The following ELAVL2 variants were observed in gnomAD, a reference collection of about 807,000 sequenced individuals.
The protein encoded by ELAVL2 is ELAV like RNA binding protein 2, also known as ELAV-like protein 2.
ELAVL2 carries 4 observed loss-of-function variants against 34.6 expected under a neutral mutation model. The ratio of observed to expected loss-of-function variants is 0.12; its 90% CI spans 0.06 to 0.26. The LOEUF (loss-of-function observed/expected upper bound fraction) is 0.26, where lower values mean the gene tolerates loss of function less well. Among genes scored for constraint, ELAVL2 ranks in the 10% least tolerant of loss-of-function variants. The pLI is 1.00. For missense variants in ELAVL2, 432 were observed against 442.8 expected (o/e 0.98, Z 0.22); for synonymous variants, 193 against 154.8 (o/e 1.25, Z -1.83).
At chr9:23,786,420 A>G (rs1355599522) in intron 1 of ELAVL2, among the ~76,000 whole-genome samples, 1 of 152,136 alleles carries the variant, frequency 6.6e-6, no homozygotes, top group Non-Finnish European at 1.5e-5. Context: ...ATTGACCCTG[A>G]GCTACTGAAA....
At chr9:23,747,405 T>C (rs925571269) in intron 2 of ELAVL2, among the ~76,000 whole-genome samples, 4 of 152,158 alleles carry the variant, frequency 2.6e-5, no homozygotes, top group African/African-American at 9.7e-5. Context: ...AAAGCGAAAC[T>C]GTTGATAATG....
At position 23,813,649 on chromosome 9, in the gene ELAVL2, G is replaced by A. The variant is rs192702342; in HGVS notation, c.-16+12157C>T. On this transcript the variant is annotated intron_variant, in intron 1 of 6. Transcript: ENST00000397312. Reference sequence around the variant, plus strand: ...TGGGGACAGTTCTAAAATCCCAGGGGGGGAGGAGAGAAAAGGTAAGTTAAG... The same window carrying A: ...TGGGGACAGTTCTAAAATCCCAGGGAGGGAGGAGAGAAAAGGTAAGTTAAG... 1.3e-4 allele frequency among the ~76,000 whole-genome samples: 20 copies of A among 152,260 alleles called. No homozygotes were observed. The South Asian group carries it at 1.9e-3, about 14-fold the overall frequency.
intron 1 of ELAVL2, among the ~76,000 whole-genome samples, chr9:23,774,785 C>A (rs1263967384): frequency 2.0e-5 from 3 of 151,808 alleles, no homozygotes; most frequent in African/African-American, 7.3e-5. Context: ...CAAAGATGAT[C>A]CAGGCATCTT....
At chr9:23,809,074 C>T (rs1180426801) in intron 1 of ELAVL2, among the ~76,000 whole-genome samples, 1 of 152,164 alleles carries the variant, frequency 6.6e-6, no homozygotes, top group Non-Finnish European at 1.5e-5. Context: ...CTTTCACCCT[C>T]AACAATTAAC....
intron 1 of ELAVL2, among the ~76,000 whole-genome samples, chr9:23,823,561 G>T (rs1429775933): frequency 6.6e-6 from 1 of 152,170 alleles, no homozygotes; most frequent in Admixed American, 6.5e-5. Flanking sequence ...TTCAGGCAAT[G>T]ACAGCAATAA....
chr9:23,733,026 C>G (rs2046964699), intron 2 of ELAVL2, among the ~76,000 whole-genome samples: 1 of 151,972 alleles, frequency 6.6e-6, no homozygotes, highest in Admixed American at 6.6e-5. Context: ...TTTTGTCATA[C>G]TGCTATTCTA....
intron 1 of ELAVL2, among the ~76,000 whole-genome samples, chr9:23,784,067 G>A (rs561764171): frequency 2.6e-5 from 4 of 151,974 alleles, no homozygotes; most frequent in Non-Finnish European, 4.4e-5. Flanking sequence ...GCATGGTGGC[G>A]GGCGCCTGTA....
chr9:23,764,729 T>G (rs1262701457), intron 1 of ELAVL2, among the ~76,000 whole-genome samples: 1 of 152,134 alleles, frequency 6.6e-6, no homozygotes, highest in Non-Finnish European at 1.5e-5. Flanking sequence ...AAACTTTTTT[T>G]GTTTTTTTAA....
chr9:23,741,047 G>C (rs905403025), intron 2 of ELAVL2, among the ~76,000 whole-genome samples: 1 of 152,128 alleles, frequency 6.6e-6, no homozygotes, highest in Non-Finnish European at 1.5e-5. Context: ...GGCACCTAAT[G>C]AACATGAAAT....
chr9:23,806,155 C>T (rs1004303882), intron 1 of ELAVL2, among the ~76,000 whole-genome samples: 1 of 152,020 alleles, frequency 6.6e-6, no homozygotes, highest in African/African-American at 2.4e-5. Flanking sequence ...GAAATGTTTG[C>T]TATAGTTTAA....
upstream of ELAVL2, among the ~76,000 whole-genome samples, chr9:23,829,346 G>C (rs1447351703): frequency 2.0e-5 from 3 of 152,140 alleles, no homozygotes; most frequent in Non-Finnish European, 4.4e-5. Flanking sequence ...TGTCTTTTAG[G>C]ATAAATAACT....
chr9:23,697,948 GC>G (rs112943295), intron 5 of ELAVL2, among the ~76,000 whole-genome samples: 103 of 151,692 alleles, frequency 6.8e-4, no homozygotes, highest in African/African-American at 2.4e-3. Flanking sequence ...CTGCCTTACT[GC>G]CTTATTCAAT....
At chr9:23,791,027 T>C (rs748608015) in intron 1 of ELAVL2, among the ~76,000 whole-genome samples, 22 of 152,210 alleles carry the variant, frequency 1.4e-4, no homozygotes, top group Admixed American at 6.5e-4. Flanking sequence ...TCTAAATATA[T>C]GTTCTGTTTA....
chr9:23,738,950 C>A (rs556684284), intron 2 of ELAVL2, among the ~76,000 whole-genome samples: 1 of 152,240 alleles, frequency 6.6e-6, no homozygotes, highest in East Asian at 1.9e-4. Flanking sequence ...TGCGGCATGA[C>A]CCTGCTTAAG....
At chr9:23,810,031 AT>A (rs35176702) in intron 1 of ELAVL2, among the ~76,000 whole-genome samples, 1 of 151,888 alleles carries the variant, frequency 6.6e-6, no homozygotes, top group Non-Finnish European at 1.5e-5. Flanking sequence ...TTGGGAACAC[AT>A]TTTTTTTCAT....
chr9:23,735,860 A>G (rs765402308), intron 2 of ELAVL2, among the ~76,000 whole-genome samples: 1 of 152,140 alleles, frequency 6.6e-6, no homozygotes, highest in Non-Finnish European at 1.5e-5. Context: ...ACCAAAGACT[A>G]CTGAGAGCAG....
rs75057968 is a variant in ELAVL2 at position 23,737,745 on chromosome 9, A to T, written c.230-6620T>A. Among the ~76,000 whole-genome samples, 162 of 152,320 alleles carry T rather than the reference A, an allele frequency of 1.1e-3. 1 individual carries two copies. Among genetic ancestry groups the T allele is most frequent in the African/African-American group, 3.6e-3 (149 of 41,566 alleles). ...TAATGTTTTATGAAATAAAAGAATA[A>T]AAGCCGTGTGAATCTTTTTCAAATC... On this transcript the variant is annotated intron_variant, in intron 2 of 6. Transcript: ENST00000397312.
intron 2 of ELAVL2, among the ~76,000 whole-genome samples, chr9:23,755,498 A>C (rs1021654128): frequency 5.9e-5 from 9 of 152,216 alleles, no homozygotes; most frequent in Non-Finnish European, 2.9e-5. Flanking sequence ...GATATAATGA[A>C]AAAATAATTA....
chr9:23,691,150 CAA>C lies in ELAVL2; in HGVS notation c.*1405_*1406del, dbSNP rs2033038446. ...CTGTAAATTCAAGTCCTCAGGACAA[CAA>C]AAGTGATTAAGCAAGACCTCAAGTA... On this transcript the variant is annotated 3_prime_UTR_variant, in exon 7 of 7. Coordinates refer to ENST00000397312, the MANE Select transcript of ELAVL2 (RefSeq NM_004432.5). The C allele has an allele frequency of 6.6e-6, 1 of 152,230 alleles. No homozygotes were observed. Among genetic ancestry groups the C allele is most frequent in the Non-Finnish European group, 1.5e-5 (1 of 67,934 alleles). 9.4% of individuals were successfully genotyped at this position (152,230 alleles called of 1,614,324 possible).
Sources: gnomAD v4.1 joint callset for allele counts (sites outside exome capture counted in the v4.1 genomes callset) on GRCh38, gnomAD v4.1.1 for gene constraint, MANE v1.5 for transcripts, NCBI Gene and HGNC (gene_info 2026-07-23, HGNC 2026-07-21) for gene names.